Variants in USP14 observed in about 807,000 individuals in gnomAD.
The protein encoded by USP14 is ubiquitin specific peptidase 14.
In USP14, 38 loss-of-function variants were observed where a neutral mutation model predicts 76.5. The observed-to-expected ratio is 0.50, with a 90% CI of 0.38 to 0.65. The LOEUF is 0.65. Ranked by LOEUF, USP14 falls within the 30% of genes least tolerant of loss-of-function variation. USP14 has a pLI of 0.00. For synonymous variants in USP14, 192 were observed against 191.7 expected (o/e 1.00, Z -0.01); for missense variants, 467 against 586.5 (o/e 0.80, Z 2.10).
At chr18:209,777 A>G (rs1225840768) in intron 13 of USP14, among the ~76,000 whole-genome samples, 194 bp from the exon 14 acceptor site, 3 of 152,134 alleles carry the variant, frequency 2.0e-5, no homozygotes, top group Non-Finnish European at 4.4e-5. Flanking sequence ...ACAAGATTTT[A>G]TATTGTTGAA....
At chr18:167,426 T>C (rs79751736) in intron 3 of USP14, among the ~76,000 whole-genome samples, 2,219 of 152,368 alleles carry the variant, frequency 0.015, 22 homozygotes, top group Non-Finnish European at 0.023. Flanking sequence ...TTAAAATCCC[T>C]GAATATGATG....
At chr18:203,023 A>G (rs1181786746) in intron 11 of USP14, 75 bp from the exon 12 acceptor site, 88 of 1,604,742 alleles carry the variant, frequency 5.5e-5, no homozygotes, top group Non-Finnish European at 1.5e-5. Context: ...TCCAGTCTTA[A>G]TTTTTACCAC....
intron 10 of USP14, among the ~76,000 whole-genome samples, chr18:200,828 GTC>G (rs1344482866): frequency 1.3e-5 from 2 of 152,084 alleles, no homozygotes; most frequent in Non-Finnish European, 2.9e-5. Context: ...TTGAGACGGA[GTC>G]TCTCTCTGTC....
chr18:204,545 T>C lies in USP14; in HGVS notation c.1036-19T>C. 1 of 1,542,938 alleles carries C rather than the reference T, an allele frequency of 6.5e-7. No individual in the cohort carries two copies. On this transcript the variant is annotated intron_variant, in intron 12 of 15. Transcript: ENST00000261601. The stretch of plus-strand genomic sequence containing the variant: ...TTTATAAATGTGTTTACACATGTTT[T>C]TTGTTTGTTTGTATATAGGATGTTA...
chr18:175,864 T>C (rs1009483596), intron 3 of USP14, among the ~76,000 whole-genome samples: 2 of 152,142 alleles, frequency 1.3e-5, no homozygotes, highest in African/African-American at 4.8e-5. Flanking sequence ...CTAGACTTCA[T>C]GTGGGTTTGG....
At chr18:165,846 T>C (rs1160174552) in intron 2 of USP14, among the ~76,000 whole-genome samples, 3 of 152,088 alleles carry the variant, frequency 2.0e-5, no homozygotes, top group Non-Finnish European at 4.4e-5. Context: ...TTAAAGCAGA[T>C]AAAAGAGATA....
rs1163713704 is a variant in USP14, at chr18:212,227, A to AT, written c.*944dup. The AT allele has an allele frequency of 6.6e-6, 1 of 152,228 alleles. No homozygotes were observed. The highest frequency in any genetic ancestry group is 1.5e-5 in the Non-Finnish European group (1 of 68,038). The allele number at this position is 152,228 out of a possible 1,614,324, so 9.4% of individuals were successfully genotyped here. A position where few individuals can be genotyped will look rare whatever the true frequency, so the allele number is the denominator to read the frequency against. ...AAAGAAATACAAAGTTGTAAAAGTA[A>AT]TGGATTTCTTTGGATGCTGAATGCA... is the stretch of plus-strand genomic sequence containing the variant. On this transcript the variant is annotated 3_prime_UTR_variant, in exon 16 of 16. Coordinates refer to ENST00000261601, the MANE Select transcript of USP14 (RefSeq NM_005151.4).
chr18:202,979 G>C (rs200053399), intron 11 of USP14, 34 bp downstream of exon 11: 1 of 1,609,926 alleles, frequency 6.2e-7, no homozygotes. Context: ...GCCAAATTCC[G>C]CTTCACTGAA....
At position 196,623 on chromosome 18, in the gene USP14, G is replaced by A; in HGVS notation, c.464-14G>A. 6.2e-7 allele frequency: 1 copy of A among 1,604,426 alleles called. No individual in the cohort carries two copies. The highest frequency in any genetic ancestry group is 8.5e-7 in the Non-Finnish European group (1 of 1,175,708). The stretch of plus-strand genomic sequence containing the variant: ...TGACTGTTTTACTAAGGCAATGTTT[G>A]CTTTGTCTTTAAGCCCTTAGAGATT... On this transcript the variant is annotated splice_polypyrimidine_tract_variant and intron_variant, in intron 6 of 15. Transcript: ENST00000261601.
intron 5 of USP14, among the ~76,000 whole-genome samples, chr18:188,904 C>A (rs1033408981): frequency 6.6e-6 from 1 of 152,198 alleles, no homozygotes; most frequent in Non-Finnish European, 1.5e-5. Flanking sequence ...GTCTTGAACT[C>A]CTGACCTCAG....
intron 3 of USP14, among the ~76,000 whole-genome samples, chr18:167,204 C>T (rs1909296994): frequency 6.6e-6 from 1 of 152,094 alleles, no homozygotes; most frequent in African/African-American, 2.4e-5. Context: ...ATCACTTGAA[C>T]CTGGGAGGCG....
chr18:165,010 G>A (rs906938217), intron 2 of USP14, among the ~76,000 whole-genome samples: 1 of 151,962 alleles, frequency 6.6e-6, no homozygotes, highest in Non-Finnish European at 1.5e-5. Flanking sequence ...GTGCAGTGGC[G>A]CCATCTCGGC....
intron 13 of USP14, among the ~76,000 whole-genome samples, chr18:209,053 A>G (rs919032153): frequency 1.6e-4 from 24 of 152,220 alleles, no homozygotes; most frequent in African/African-American, 5.1e-4. Flanking sequence ...TGATTTAGGT[A>G]TAGACTATTT....
At chr18:179,186 A>G in intron 4 of USP14, 149 bp downstream of exon 4, 1 of 578,678 alleles carries the variant, frequency 1.7e-6, no homozygotes, top group Non-Finnish European at 2.9e-6. Flanking sequence ...GAGTTTTATT[A>G]TTTTTGATTA....
At chr18:184,159 C>G (rs978360733) in intron 5 of USP14, among the ~76,000 whole-genome samples, 2 of 151,956 alleles carry the variant, frequency 1.3e-5, no homozygotes, top group Non-Finnish European at 2.9e-5. Context: ...GTGAAAGTTA[C>G]TTTTTTCGCT....
intron 10 of USP14, 59 bp downstream of exon 10, chr18:199,375 A>G: frequency 8.1e-7 from 1 of 1,241,526 alleles, no homozygotes; most frequent in South Asian, 1.3e-5. Context: ...CGAGTAAGCC[A>G]AAGTCATTAT....
intron 8 of USP14, 109 bp from the exon 9 acceptor site, chr18:197,933 TTACTG>T: frequency 1.1e-6 from 1 of 899,560 alleles, no homozygotes; most frequent in South Asian, 2.2e-5. Flanking sequence ...TTGAAGGATT[TTACTG>T]TAAGGGACTA....
chr18:180,905 A>T (rs1205181893), intron 5 of USP14, among the ~76,000 whole-genome samples: 2 of 146,108 alleles, frequency 1.4e-5, no homozygotes, highest in African/African-American at 5.0e-5. Context: ...TTATGGCTGA[A>T]TAGTATTTCA....
At chr18:201,542 T>G (rs1051546851) in intron 10 of USP14, among the ~76,000 whole-genome samples, 1 of 152,240 alleles carries the variant, frequency 6.6e-6, no homozygotes, top group Non-Finnish European at 1.5e-5. Context: ...GGGAGAGTTT[T>G]GAGCCAGTGT....
Sources: allele counts gnomAD v4.1 joint callset (sites outside exome capture counted in the v4.1 genomes callset), GRCh38; gene constraint gnomAD v4.1.1; transcripts MANE v1.5; gene names NCBI Gene and HGNC (gene_info 2026-07-23, HGNC 2026-07-21).